Variants in RTN4IP1 observed in about 807,000 individuals in gnomAD.
RTN4IP1 encodes NAD(P)H oxidoreductase RTN4IP1, mitochondrial.
In RTN4IP1, 32 loss-of-function variants were observed where a neutral mutation model predicts 46.6. The observed-to-expected ratio is 0.69, with a 90% CI of 0.52 to 0.92. The LOEUF (loss-of-function observed/expected upper bound fraction) is 0.92. Among genes scored for constraint, RTN4IP1 ranks in the 40% least tolerant of loss-of-function variants. The pLI, the probability that RTN4IP1 is intolerant of heterozygous loss-of-function variation, is 0.00. For synonymous variants in RTN4IP1, 167 were observed against 161.8 expected, an observed-to-expected ratio of 1.03 and a Z score of -0.24; for missense variants, 424 against 485.8, an observed-to-expected ratio of 0.87 and a Z score of 1.20.
At chr6:106,612,954 T>C (rs1776265918) in intron 4 of RTN4IP1, among the ~76,000 whole-genome samples, 1 of 152,196 alleles carries the variant, frequency 6.6e-6, no homozygotes, top group South Asian at 2.1e-4. Flanking sequence ...GGGCGCACCC[T>C]TCTATATAGA....
chr6:106,612,660 G>A (rs11153013), intron 4 of RTN4IP1, among the ~76,000 whole-genome samples: 1 of 2,686 alleles, frequency 3.7e-4, no homozygotes, highest in Non-Finnish European at 3.0e-3. Context: ...ACAATTACCT[G>A]CTCCACCCTG....
At chr6:106,623,403 G>A (rs1002795013) in intron 1 of RTN4IP1, among the ~76,000 whole-genome samples, 3 of 152,186 alleles carry the variant, frequency 2.0e-5, no homozygotes, top group Non-Finnish European at 4.4e-5. Context: ...AGGGTGGGAA[G>A]AGGAAGAGGA....
Position 106,622,800 on chromosome 6 carries a change from T to C in RTN4IP1, c.426+18A>G, listed in dbSNP as rs763678032. 3.1e-6 allele frequency: 5 copies of C among 1,606,262 alleles called. No individual in the cohort carries two copies. Among genetic ancestry groups the C allele is most frequent in the Admixed American group, 3.4e-5 (2 of 58,824 alleles). On this transcript the variant is annotated intron_variant, in intron 2 of 8. Transcript: ENST00000369063. ...GTGGGTTGGATCCCCGCAGGAATAGTGGCATTCCCTAACTCACCTCATCTC... is the reference window on the plus strand; with the variant it reads ...GTGGGTTGGATCCCCGCAGGAATAGCGGCATTCCCTAACTCACCTCATCTC...
intron 1 of RTN4IP1, among the ~76,000 whole-genome samples, chr6:106,624,935 C>CAAAAAA (rs1329840633): frequency 6.3e-5 from 3 of 47,856 alleles, no homozygotes; most frequent in Admixed American, 2.3e-4. Context: ...AGCTCTGTCT[C>CAAAAAA]AAAAAAAAAA....
At chr6:106,595,908 TTTTTC>T (rs960674501) in intron 5 of RTN4IP1, among the ~76,000 whole-genome samples, 24 of 152,350 alleles carry the variant, frequency 1.6e-4, no homozygotes, top group African/African-American at 5.8e-4. Context: ...TGCTTAACTG[TTTTTC>T]TTTATCAGTT....
chr6:106,600,549 A>C (rs891233359), intron 5 of RTN4IP1, among the ~76,000 whole-genome samples: 2 of 151,928 alleles, frequency 1.3e-5, no homozygotes, highest in African/African-American at 4.8e-5. Flanking sequence ...TAAGCCTCAC[A>C]CTCATTACGT....
At chr6:106,603,088 T>C (rs2114656041) in intron 4 of RTN4IP1, among the ~76,000 whole-genome samples, 166 bp from the exon 5 acceptor site, 1 of 152,344 alleles carries the variant, frequency 6.6e-6, no homozygotes, top group Non-Finnish European at 1.5e-5. Flanking sequence ...TATTTTAGGT[T>C]CACCAAGAAA....
At chr6:106,572,940 G>A (rs1274405781) in intron 8 of RTN4IP1, among the ~76,000 whole-genome samples, 1 of 152,172 alleles carries the variant, frequency 6.6e-6, no homozygotes, top group Non-Finnish European at 1.5e-5. Flanking sequence ...ATGTCACTTA[G>A]GTGAAAGCTA....
upstream of RTN4IP1, chr6:106,629,559 A>G: frequency 8.3e-7 from 1 of 1,206,554 alleles, no homozygotes; most frequent in Admixed American, 2.4e-5. Flanking sequence ...CAATCCAAGT[A>G]CTCGGTGTTG....
chr6:106,588,326 T>C (rs1033129905), intron 6 of RTN4IP1, among the ~76,000 whole-genome samples: 2 of 152,214 alleles, frequency 1.3e-5, no homozygotes, highest in South Asian at 2.1e-4. Context: ...AAGTATTCTT[T>C]AGTGCACATG....
rs1376010694 is a variant in RTN4IP1, at chr6:106,587,727, T to C, written c.942A>G (p.Ala314=). The change falls in exon 7 of 9, where the codon GCA becomes GCG. Residue 314 remains alanine, a synonymous_variant. Transcript: ENST00000369063. ...FLLNMDRLGI[A]DGMLQTGVTV... Reference sequence around the variant, plus strand: ...TGACTCCTGTCTGCAACATGCCATCTGCTATGCCCAATCGGTCCATGTTCA... The same window carrying C: ...TGACTCCTGTCTGCAACATGCCATCCGCTATGCCCAATCGGTCCATGTTCA... 1 of 1,613,654 alleles carries C rather than the reference T, an allele frequency of 6.2e-7. No individual in the cohort carries two copies. Among genetic ancestry groups the C allele is most frequent in the Non-Finnish European group, 8.5e-7 (1 of 1,179,916 alleles).
At chr6:106,619,863 G>A (rs533429328) in intron 3 of RTN4IP1, among the ~76,000 whole-genome samples, 8 of 151,696 alleles carry the variant, frequency 5.3e-5, no homozygotes, top group South Asian at 2.1e-4. Context: ...CGCCCGCCTC[G>A]GCCTCCCAAA....
At chr6:106,578,266 T>C (rs1412950932) in intron 8 of RTN4IP1, among the ~76,000 whole-genome samples, 1 of 152,202 alleles carries the variant, frequency 6.6e-6, no homozygotes, top group African/African-American at 2.4e-5. Flanking sequence ...TCAAGAGACC[T>C]GGGCCCTGCC....
Position 106,629,101 on chromosome 6 carries a change from A to C in RTN4IP1, c.-80T>G. The C allele has an allele frequency of 7.1e-7, 1 of 1,402,118 alleles. No individual in the cohort carries two copies. Among genetic ancestry groups the C allele is most frequent in the South Asian group, 1.4e-5 (1 of 73,332 alleles). The allele number at this position is 1,402,118 out of a possible 1,614,324, so 86.9% of individuals were successfully genotyped here. A position where few individuals can be genotyped will look rare whatever the true frequency, so the allele number is the denominator to read the frequency against. ...AACTCTCACCCCTGAATTCAGTCAA[A>C]TTCTGCCAAACCACGGGCTAGTTTC... On this transcript the variant is annotated 5_prime_UTR_variant, in exon 1 of 9. Transcript: ENST00000369063.
At chr6:106,621,289 T>A in intron 3 of RTN4IP1, 136 bp downstream of exon 3, 1 of 638,882 alleles carries the variant, frequency 1.6e-6, no homozygotes, top group Non-Finnish European at 2.7e-6. Context: ...CTCTCAAAAA[T>A]TCCTATATTC....
chr6:106,596,981 C>T (rs12530341), intron 5 of RTN4IP1, among the ~76,000 whole-genome samples: 5,361 of 152,260 alleles, frequency 0.035, 156 homozygotes, highest in South Asian at 0.091. Flanking sequence ...TTATAAGTCA[C>T]GTCATCTTTT....
rs765460005 is a variant in RTN4IP1, at chr6:106,600,173, G to A, written c.669+2701C>T. On this transcript the variant is annotated intron_variant, in intron 5 of 8. Coordinates refer to ENST00000369063, the MANE Select transcript of RTN4IP1 (RefSeq NM_032730.5). ...TTCTCAAAAAGTCTAAGCTGGGTCTGGGGTGGTCTATAACACCCAAACCTC... is the reference window on the plus strand; with the variant it reads ...TTCTCAAAAAGTCTAAGCTGGGTCTAGGGTGGTCTATAACACCCAAACCTC... Among the ~76,000 whole-genome samples the A allele has an allele frequency of 1.6e-4, 25 of 151,986 alleles. 1 individual carries two copies. The highest frequency in any genetic ancestry group is 3.2e-4 in the Non-Finnish European group (22 of 68,014).
rs200912308 is a variant in RTN4IP1 at position 106,606,536 on chromosome 6, CA to C, written c.621-3615del. On this transcript the variant is annotated intron_variant, in intron 4 of 8. Coordinates refer to ENST00000369063, the MANE Select transcript of RTN4IP1 (RefSeq NM_032730.5). Reference sequence around the variant, plus strand: ...AAATCAATTTCATTTACAATAGCTACAAAAAAACCACTTAGGAATAAATTTA... The same window carrying C: ...AAATCAATTTCATTTACAATAGCTACAAAAAACCACTTAGGAATAAATTTA... 4.8e-3 allele frequency among the ~76,000 whole-genome samples: 735 copies of C among 151,916 alleles called. 11 individuals are homozygous for C. Among genetic ancestry groups the C allele is most frequent in the African/African-American group, 0.016 (683 of 41,482 alleles).
Position 106,587,840 on chromosome 6 carries a change from C to A in RTN4IP1, c.829G>T (p.Val277Phe). Residue 277 changes from valine (V) to phenylalanine (F), a missense_variant, in exon 7 of 9, where the codon GTT becomes TTT. Transcript: ENST00000369063. Reference sequence around the variant, plus strand: ...GCCCATGTTTCAGTGGATCCGCCAACATTATCAAGGATAAAATCAAATCTG... The same window carrying A: ...GCCCATGTTTCAGTGGATCCGCCAAAATTATCAAGGATAAAATCAAATCTG... ...LKPFDFILDN[V>F]GGSTETWAPD... The A allele has an allele frequency of 6.2e-7, 1 of 1,613,076 alleles. No individual in the cohort carries two copies. The highest frequency in any genetic ancestry group is 8.5e-7 in the Non-Finnish European group (1 of 1,179,522).
Sources: gnomAD v4.1 joint callset for allele counts (sites outside exome capture counted in the v4.1 genomes callset) on GRCh38, gnomAD v4.1.1 for gene constraint, MANE v1.5 for transcripts, NCBI Gene and HGNC (gene_info 2026-07-23, HGNC 2026-07-21) for gene names.